The following PHIP variants were observed in gnomAD, a reference collection of about 807,000 sequenced individuals.
PHIP encodes PH-interacting protein.
PHIP carries 54 observed loss-of-function variants against 236.8 expected under a neutral mutation model. That is an observed-to-expected ratio of 0.23 (90% CI 0.18 to 0.29). The LOEUF (loss-of-function observed/expected upper bound fraction) is 0.29. PHIP is among the 10% of genes least tolerant of loss of function. The probability of loss-of-function intolerance (pLI) is 1.00; values close to 1 mark genes in which losing one functional copy is unlikely to be tolerated. For synonymous variants in PHIP, 756 were observed against 718.9 expected (o/e 1.05, Z -0.83); for missense variants, 1,370 against 2,190.8 (o/e 0.63, Z 7.48).
Position 79,015,074 on chromosome 6 carries a change from A to T in PHIP, c.1524+8T>A. ...TAGTAGGTATAAAATGAAGAGAATG[A>T]TAATTACCATATTGAAATAAGATCG... is the stretch of plus-strand genomic sequence containing the variant. On this transcript the variant is annotated splice_region_variant and intron_variant, in intron 15 of 39. Transcript: ENST00000275034. The T allele has an allele frequency of 6.2e-7, 1 of 1,607,840 alleles. No individual in the cohort carries two copies. Among genetic ancestry groups the T allele is most frequent in the Non-Finnish European group, 8.5e-7 (1 of 1,174,956 alleles).
chr6:79,064,909 A>G (rs1438881087), intron 4 of PHIP, among the ~76,000 whole-genome samples: 2 of 152,194 alleles, frequency 1.3e-5, no homozygotes, highest in East Asian at 3.9e-4. Context: ...GAAACTCAAC[A>G]TATGCAAAAC....
intron 35 of PHIP, among the ~76,000 whole-genome samples, chr6:78,954,288 A>G (rs370264323): frequency 5.9e-5 from 9 of 151,626 alleles, no homozygotes; most frequent in African/African-American, 2.2e-4. Context: ...TTGTATTTTA[A>G]GTAGAGACGG....
At chr6:79,033,701 G>T (rs2127753626) in intron 7 of PHIP, among the ~76,000 whole-genome samples, 1 of 152,252 alleles carries the variant, frequency 6.6e-6, no homozygotes, top group East Asian at 1.9e-4. Flanking sequence ...TCAGCAATGA[G>T]CTCTTTAACT....
chr6:79,040,352 C>T (rs1331079309), intron 7 of PHIP, among the ~76,000 whole-genome samples: 1 of 152,060 alleles, frequency 6.6e-6, no homozygotes, highest in Non-Finnish European at 1.5e-5. Context: ...TCCAGCTGTG[C>T]CTGTTCAGAA....
intron 22 of PHIP, among the ~76,000 whole-genome samples, chr6:78,983,935 A>T (rs1768705333): frequency 6.6e-6 from 1 of 152,190 alleles, no homozygotes; most frequent in Non-Finnish European, 1.5e-5. Flanking sequence ...TAATTTTAGT[A>T]TGTGAGCATA....
At chr6:79,030,794 C>T (rs1771631208) in intron 7 of PHIP, among the ~76,000 whole-genome samples, 1 of 151,116 alleles carries the variant, frequency 6.6e-6, no homozygotes, top group Non-Finnish European at 1.5e-5. Context: ...AAACTATGAA[C>T]AGGTTTTAAG....
chr6:79,044,842 T>A (rs1049413528), intron 6 of PHIP, among the ~76,000 whole-genome samples: 3 of 152,168 alleles, frequency 2.0e-5, no homozygotes, highest in African/African-American at 7.2e-5. Flanking sequence ...GATAAAGTAT[T>A]TTATAAGCAA....
chr6:78,960,759 A>G (rs984648805), intron 31 of PHIP, among the ~76,000 whole-genome samples: 2 of 152,146 alleles, frequency 1.3e-5, no homozygotes, highest in African/African-American at 2.4e-5. Context: ...GGGGGCTGCT[A>G]CTGGCATCTA....
At chr6:79,007,654 C>CTTTTT (rs35415106) in intron 15 of PHIP, among the ~76,000 whole-genome samples, 2 of 116,688 alleles carry the variant, frequency 1.7e-5, no homozygotes, top group Non-Finnish European at 1.8e-5. Flanking sequence ...ATGTCTTGTT[C>CTTTTT]TTTTTTTTTT....
chr6:79,025,834 A>C lies in PHIP; in HGVS notation c.822+109T>G, dbSNP rs1771375372. The stretch of plus-strand genomic sequence containing the variant: ...CCTTATATACTGGATTATAAAGGTG[A>C]TTATAAAAGTAACTTCTTAAAATTT... On this transcript the variant is annotated intron_variant, in intron 8 of 39. Transcript: ENST00000275034. 8.4e-6 allele frequency: 7 copies of C among 831,158 alleles called. No individual in the cohort carries two copies. In the South Asian group the frequency reaches 1.1e-4, roughly 14 times the overall value. 51.5% of individuals were successfully genotyped at this position (831,158 alleles called of 1,614,324 possible).
chr6:79,018,825 T>C (rs1333979794), intron 10 of PHIP, among the ~76,000 whole-genome samples: 2 of 152,000 alleles, frequency 1.3e-5, no homozygotes, highest in Non-Finnish European at 2.9e-5. Context: ...AGGGTCGATT[T>C]TGAAACTATT....
At chr6:78,961,634 T>C in intron 31 of PHIP, 56 bp downstream of exon 31, 6 of 1,580,188 alleles carry the variant, frequency 3.8e-6, no homozygotes, top group Non-Finnish European at 3.5e-6. Flanking sequence ...GATCAGTAAA[T>C]GGGTGGAAAG....
At chr6:79,055,427 A>C (rs142122614) in intron 6 of PHIP, among the ~76,000 whole-genome samples, 1,552 of 152,302 alleles carry the variant, frequency 0.01, 13 homozygotes, top group Middle Eastern at 0.034. Flanking sequence ...CTATATCTGA[A>C]AACAGGCATA....
chr6:78,980,846 A>G (rs1467881616), intron 23 of PHIP, among the ~76,000 whole-genome samples: 1 of 152,066 alleles, frequency 6.6e-6, no homozygotes, highest in East Asian at 1.9e-4. Flanking sequence ...TTTGAAAATC[A>G]TAATTCTAGC....
intron 4 of PHIP, 43 bp downstream of exon 4, chr6:79,077,405 A>T (rs1386046685): frequency 6.6e-7 from 1 of 1,512,636 alleles, no homozygotes. Flanking sequence ...TTTTTATTCG[A>T]CTCAGGGAAA....
intron 27 of PHIP, among the ~76,000 whole-genome samples, chr6:78,968,274 T>G (rs1188720413): frequency 6.6e-6 from 1 of 152,232 alleles, no homozygotes; most frequent in Non-Finnish European, 1.5e-5. Flanking sequence ...ACTTACAGAT[T>G]TCTTCACTCA....
intron 24 of PHIP, among the ~76,000 whole-genome samples, chr6:78,972,469 A>T (rs1018602696): frequency 4.6e-5 from 7 of 152,128 alleles, no homozygotes; most frequent in Non-Finnish European, 8.8e-5. Flanking sequence ...AAATCAGAGC[A>T]CCTCTCCTCC....
At chr6:79,018,711 AT>A (rs2127743206) in intron 10 of PHIP, among the ~76,000 whole-genome samples, 1 of 152,122 alleles carries the variant, frequency 6.6e-6, no homozygotes, top group East Asian at 1.9e-4. Flanking sequence ...AATCAAATTT[AT>A]TTTACTTAAC....
At chr6:79,029,756 C>T (rs887256789) in intron 7 of PHIP, among the ~76,000 whole-genome samples, 3 of 152,160 alleles carry the variant, frequency 2.0e-5, no homozygotes. Context: ...TCTCGAACTC[C>T]TGGCCTCAAG....
Sources: gnomAD v4.1 joint callset for allele counts (sites outside exome capture counted in the v4.1 genomes callset) on GRCh38, gnomAD v4.1.1 for gene constraint, MANE v1.5 for transcripts, NCBI Gene and HGNC (gene_info 2026-07-23, HGNC 2026-07-21) for gene names.